THSD7A: variants seen among roughly 807,000 people sequenced by gnomAD.
THSD7A encodes thrombospondin type-1 domain-containing protein 7A.
THSD7A carries 96 observed loss-of-function variants against 231.3 expected under a neutral mutation model. The observed-to-expected ratio is 0.41, with a 90% CI of 0.35 to 0.49. The LOEUF (loss-of-function observed/expected upper bound fraction) is 0.49, where lower values mean the gene tolerates loss of function less well. Ranked by LOEUF, THSD7A falls within the 20% of genes least tolerant of loss-of-function variation. THSD7A has a pLI of 0.05. For synonymous variants in THSD7A, 940 were observed against 743.3 expected, an observed-to-expected ratio of 1.26 and a Z score of -4.30; for missense variants, 2,290 against 2,070.2, an observed-to-expected ratio of 1.11 and a Z score of -2.06.
chr7:11,448,439 CT>C (rs1785044573), intron 11 of THSD7A, among the ~76,000 whole-genome samples: 1 of 152,114 alleles, frequency 6.6e-6, no homozygotes, highest in African/African-American at 2.4e-5. Flanking sequence ...ACTGAATTAT[CT>C]TAAATGGCCT....
chr7:11,510,777 AAAT>A, intron 6 of THSD7A, among the ~76,000 whole-genome samples: 1 of 152,160 alleles, frequency 6.6e-6, no homozygotes, highest in Non-Finnish European at 1.5e-5. Context: ...ACGTATCTCA[AAAT>A]AATAAGAGCT....
At chr7:11,812,140 T>TGTGTGTGTGTGTGTGTGTGTGA (rs377112108) in intron 1 of THSD7A, among the ~76,000 whole-genome samples, 6 of 147,014 alleles carry the variant, frequency 4.1e-5, no homozygotes, top group African/African-American at 1.6e-4. Context: ...TGTGTGTGTG[T>TGTGTGTGTGTGTGTGTGTGTGA]GGGAGACAGA....
intron 1 of THSD7A, among the ~76,000 whole-genome samples, chr7:11,697,881 T>G (rs1780450459): frequency 6.6e-6 from 1 of 151,380 alleles, no homozygotes; most frequent in Admixed American, 6.6e-5. Flanking sequence ...CAATACCAAT[T>G]AAATACAAAT....
At chr7:11,648,328 T>C (rs1390663935) in intron 1 of THSD7A, among the ~76,000 whole-genome samples, 1 of 152,028 alleles carries the variant, frequency 6.6e-6, no homozygotes, top group East Asian at 1.9e-4. Context: ...TTTTATTTTT[T>C]TAGCTGGTAT....
At chr7:11,394,285 T>A (rs1057057496) in intron 23 of THSD7A, among the ~76,000 whole-genome samples, 2 of 152,134 alleles carry the variant, frequency 1.3e-5, no homozygotes, top group Non-Finnish European at 2.9e-5. Context: ...AAAGGAGAAA[T>A]AAAATTCTTT....
rs1333368054 is a variant in THSD7A at position 11,411,349 on chromosome 7, C to G, written c.3683-27G>C. ...TGAAAAAAAGGGAAGCCCATCAGAA[C>G]AGAAGGCTAAGTAAGAAACAGATTT... On this transcript the variant is annotated intron_variant, in intron 18 of 27. Coordinates refer to ENST00000423059, the MANE Select transcript of THSD7A (RefSeq NM_015204.3). This position sits in a 1 kb window ranked among gnomAD's most constrained non-coding sequence, Gnocchi z 4.1. 4 of 1,492,932 alleles carry G rather than the reference C, an allele frequency of 2.7e-6. No individual in the cohort carries two copies. The highest frequency in any genetic ancestry group is 3.7e-6 in the Non-Finnish European group (4 of 1,076,714). 92.5% of individuals were successfully genotyped at this position (1,492,932 alleles called of 1,614,324 possible). A position where few individuals can be genotyped will look rare whatever the true frequency, so the allele number is the denominator to read the frequency against.
At chr7:11,424,623 G>C in intron 16 of THSD7A, 73 bp downstream of exon 16, 1 of 1,585,716 alleles carries the variant, frequency 6.3e-7, no homozygotes, top group South Asian at 1.2e-5. Flanking sequence ...GGAGTGAACA[G>C]TCATGTTGGC....
intron 13 of THSD7A, among the ~76,000 whole-genome samples, chr7:11,440,916 C>G (rs1039428782): frequency 6.6e-6 from 1 of 151,992 alleles, no homozygotes; most frequent in African/African-American, 2.4e-5. Context: ...GGGTAAAATG[C>G]TATCAAACAA....
chr7:11,831,383 T>C lies in THSD7A; in HGVS notation c.190+374A>G, dbSNP rs958293526. ...ATGTCATGACAGTGAGCATATTGCTTTGCCTAAAGAATAAAGACTGAGACT... is the reference window on the plus strand; with the variant it reads ...ATGTCATGACAGTGAGCATATTGCTCTGCCTAAAGAATAAAGACTGAGACT... On this transcript the variant is annotated intron_variant, in intron 1 of 27. Transcript: ENST00000423059. This position sits in a 1 kb window ranked among gnomAD's most constrained non-coding sequence, Gnocchi z 5.0. Among the ~76,000 whole-genome samples, 3 of 152,200 alleles carry C rather than the reference T, an allele frequency of 2.0e-5. No individual in the cohort carries two copies. Among genetic ancestry groups the C allele is most frequent in the African/African-American group, 7.2e-5 (3 of 41,450 alleles).
chr7:11,536,239 C>A (rs1418554804), intron 6 of THSD7A, among the ~76,000 whole-genome samples: 2 of 152,146 alleles, frequency 1.3e-5, no homozygotes, highest in Non-Finnish European at 2.9e-5. Flanking sequence ...CCAGAAGACA[C>A]TGTTTAATCG....
chr7:11,715,963 T>C (rs1781121575), intron 1 of THSD7A, among the ~76,000 whole-genome samples: 1 of 151,506 alleles, frequency 6.6e-6, no homozygotes, highest in African/African-American at 2.4e-5. Context: ...GAGAAACCCA[T>C]ATACCTTAGA....
chr7:11,394,851 C>T (rs1255666731), intron 23 of THSD7A, among the ~76,000 whole-genome samples: 1 of 151,560 alleles, frequency 6.6e-6, no homozygotes, highest in East Asian at 1.9e-4. Flanking sequence ...GGGACAGACC[C>T]AGCACAAACA....
intron 7 of THSD7A, among the ~76,000 whole-genome samples, chr7:11,480,673 T>C (rs1415551079): frequency 1.3e-5 from 2 of 152,190 alleles, no homozygotes; most frequent in Non-Finnish European, 2.9e-5. Context: ...GGCTTTTCTG[T>C]GTGTAAAATG....
At chr7:11,639,617 G>A (rs949834101) in intron 1 of THSD7A, among the ~76,000 whole-genome samples, 14 of 152,038 alleles carry the variant, frequency 9.2e-5, no homozygotes, top group South Asian at 4.2e-4. Flanking sequence ...GCAGTGAGCC[G>A]AGATGGCACC....
At chr7:11,412,836 ATACTCAG>A in intron 17 of THSD7A, 36 bp from the exon 18 acceptor site, 2 of 1,589,384 alleles carry the variant, frequency 1.3e-6, no homozygotes, top group Non-Finnish European at 1.7e-6. Flanking sequence ...AGAAAGGTGA[ATACTCAG>A]CTACACAACT....
intron 1 of THSD7A, among the ~76,000 whole-genome samples, chr7:11,719,872 T>C (rs890886743): frequency 1.3e-5 from 2 of 151,734 alleles, no homozygotes; most frequent in African/African-American, 4.8e-5. Context: ...AAAATAATAG[T>C]TGCTCAATAA....
rs185928753 is a variant in THSD7A at position 11,391,997 on chromosome 7, G to A, written c.4412-9381C>T. ...GAAATGTAGAAATCACCCATCTTCT[G>A]CATTGATCTCGCTGGGATCTGCAGA... is the stretch of plus-strand genomic sequence containing the variant. On this transcript the variant is annotated intron_variant, in intron 23 of 27. Transcript: ENST00000423059. Among the ~76,000 whole-genome samples, 5 of 152,230 alleles carry A rather than the reference G, an allele frequency of 3.3e-5. No individual in the cohort carries two copies. In the East Asian group the frequency reaches 7.8e-4, roughly 24 times the overall value.
At chr7:11,422,114 T>A (rs952248375) in intron 16 of THSD7A, among the ~76,000 whole-genome samples, 2 of 152,150 alleles carry the variant, frequency 1.3e-5, no homozygotes, top group African/African-American at 4.8e-5. Flanking sequence ...CCATCACAGG[T>A]GTGGTAATAA....
intron 1 of THSD7A, among the ~76,000 whole-genome samples, chr7:11,776,150 T>C (rs1427036230): frequency 6.6e-6 from 1 of 152,208 alleles, no homozygotes; most frequent in Non-Finnish European, 1.5e-5. Flanking sequence ...CTAAAAATGA[T>C]TTCCTGGATA....
Sources: allele counts gnomAD v4.1 joint callset (sites outside exome capture counted in the v4.1 genomes callset), GRCh38; gene constraint gnomAD v4.1.1; non-coding constraint Gnocchi (gnomAD v3.1); transcripts MANE v1.5; gene names NCBI Gene and HGNC (gene_info 2026-07-23, HGNC 2026-07-21).